NTM: variants seen among roughly 807,000 people sequenced by gnomAD.
NTM encodes the protein neurotrimin.
Under a neutral mutation model 42.1 loss-of-function variants are expected in NTM, and 13 were observed. The ratio of observed to expected loss-of-function variants is 0.31; its 90% CI spans 0.20 to 0.49. The LOEUF (loss-of-function observed/expected upper bound fraction) is 0.49. NTM is among the 20% of genes least tolerant of loss of function. NTM has a pLI of 0.99. For missense variants in NTM, 373 were observed against 452.8 expected (o/e 0.82, Z 1.60); for synonymous variants, 187 against 179.2 (o/e 1.04, Z -0.35).
intron 2 of NTM, among the ~76,000 whole-genome samples, chr11:132,059,695 T>A (rs905860715): frequency 2.6e-5 from 4 of 152,064 alleles, no homozygotes; most frequent in Admixed American, 2.0e-4. Context: ...TCCCATGGAC[T>A]CCACTTGAGA....
At chr11:131,711,217 T>C (rs2077090468) in intron 1 of NTM, among the ~76,000 whole-genome samples, 1 of 152,180 alleles carries the variant, frequency 6.6e-6, no homozygotes, top group Non-Finnish European at 1.5e-5. Context: ...GAGAAAATTT[T>C]TGCAACCTAC....
chr11:132,243,740 A>C (rs1157961183), intron 4 of NTM, among the ~76,000 whole-genome samples: 1 of 152,154 alleles, frequency 6.6e-6, no homozygotes, highest in Non-Finnish European at 1.5e-5. Flanking sequence ...CAACTTTTGG[A>C]CCAATCCTGG....
At chr11:131,878,819 A>C (rs192186396) in intron 1 of NTM, among the ~76,000 whole-genome samples, 2 of 151,480 alleles carry the variant, frequency 1.3e-5, no homozygotes, top group African/African-American at 4.9e-5. Flanking sequence ...CATGAGTAAT[A>C]TCTCTTTAAC....
At chr11:132,139,548 T>C (rs930619393) in intron 2 of NTM, among the ~76,000 whole-genome samples, 4 of 152,180 alleles carry the variant, frequency 2.6e-5, no homozygotes, top group African/African-American at 9.7e-5. Flanking sequence ...GGACAGGTGG[T>C]AGGTGTGCTT....
At chr11:131,913,826 A>C (rs2055762057) in intron 2 of NTM, among the ~76,000 whole-genome samples, 1 of 152,156 alleles carries the variant, frequency 6.6e-6, no homozygotes, top group Non-Finnish European at 1.5e-5. Flanking sequence ...TGTCTTCCTG[A>C]CACTCAAGAG....
intron 1 of NTM, chr11:131,540,987 A>G (rs2136794188): frequency 6.6e-6 from 1 of 152,352 alleles, no homozygotes; most frequent in East Asian, 1.9e-4. Context: ...TAGTGGCACG[A>G]GAGGAAATTG....
At chr11:131,818,204 G>A (rs902944672) in intron 1 of NTM, among the ~76,000 whole-genome samples, 23 of 151,444 alleles carry the variant, frequency 1.5e-4, no homozygotes, top group African/African-American at 2.7e-4. Context: ...AAAATTGCTC[G>A]TTCAGTCCTG....
At chr11:131,374,806 A>G (rs1941742431) in intron 1 of NTM, among the ~76,000 whole-genome samples, 1 of 152,180 alleles carries the variant, frequency 6.6e-6, no homozygotes, top group African/African-American at 2.4e-5. Context: ...CTGAATCAAT[A>G]TGGGGCACAT....
chr11:132,153,613 G>A (rs533122246), intron 3 of NTM, among the ~76,000 whole-genome samples: 1 of 152,270 alleles, frequency 6.6e-6, no homozygotes, highest in African/African-American at 2.4e-5. Context: ...AAAGATTCTG[G>A]TTGTTCCTCT....
intron 1 of NTM, among the ~76,000 whole-genome samples, chr11:131,860,167 G>C (rs2046486715): frequency 6.6e-6 from 1 of 152,206 alleles, no homozygotes. Context: ...AAGGACAAGA[G>C]CTAGTGAGAC....
intron 2 of NTM, among the ~76,000 whole-genome samples, chr11:132,024,179 T>A (rs1373037386): frequency 6.6e-6 from 1 of 152,046 alleles, no homozygotes; most frequent in Non-Finnish European, 1.5e-5. Flanking sequence ...ATGTTTGTTT[T>A]GTGTTTTTAA....
At chr11:131,740,487 G>A (rs139484241) in intron 1 of NTM, among the ~76,000 whole-genome samples, 4 of 152,270 alleles carry the variant, frequency 2.6e-5, no homozygotes, top group African/African-American at 9.6e-5. Context: ...TTGGACAAGG[G>A]TAGGACACTA....
At chr11:131,405,164 G>A (rs1945672131) in intron 1 of NTM, among the ~76,000 whole-genome samples, 1 of 152,112 alleles carries the variant, frequency 6.6e-6, no homozygotes, top group Admixed American at 6.5e-5. Flanking sequence ...TCTGATCAAG[G>A]GAGGCTGGTA....
chr11:132,024,831 T>C (rs1256793843), intron 2 of NTM, among the ~76,000 whole-genome samples: 1 of 152,218 alleles, frequency 6.6e-6, no homozygotes, highest in East Asian at 1.9e-4. Context: ...GTCTGTCAGA[T>C]TTAGTTGTTC....
At chr11:131,780,592 A>G (rs988396785) in intron 1 of NTM, among the ~76,000 whole-genome samples, 18 of 152,194 alleles carry the variant, frequency 1.2e-4, no homozygotes, top group African/African-American at 4.3e-4. Context: ...AGTGCTTCCA[A>G]GCTATTAATT....
At chr11:131,433,282 C>G (rs1370828956) in intron 1 of NTM, among the ~76,000 whole-genome samples, 1 of 151,958 alleles carries the variant, frequency 6.6e-6, no homozygotes, top group Non-Finnish European at 1.5e-5. Context: ...CAAATAAAAC[C>G]AAGTGAATTA....
chr11:131,924,405 G>A (rs1277987108), intron 2 of NTM, among the ~76,000 whole-genome samples: 1 of 152,092 alleles, frequency 6.6e-6, no homozygotes, highest in Non-Finnish European at 1.5e-5. Flanking sequence ...TTTTGAGGAA[G>A]AGATTACTAG....
At chr11:132,190,003 T>G (rs1253449785) in intron 3 of NTM, among the ~76,000 whole-genome samples, 5 of 152,164 alleles carry the variant, frequency 3.3e-5, no homozygotes, top group Admixed American at 3.3e-4. Context: ...TAAGACAAAC[T>G]GTGATATACT....
At chr11:131,647,881 G>A (rs903651418) in intron 1 of NTM, among the ~76,000 whole-genome samples, 4 of 152,090 alleles carry the variant, frequency 2.6e-5, no homozygotes, top group African/African-American at 9.7e-5. Context: ...TGGGTTAAGG[G>A]GTACATGTGC....
Sources: allele counts gnomAD v4.1 joint callset (sites outside exome capture counted in the v4.1 genomes callset), GRCh38; gene constraint gnomAD v4.1.1; transcripts MANE v1.5; gene names NCBI Gene and HGNC (gene_info 2026-07-23, HGNC 2026-07-21).